Variants in CRYL1 observed in about 807,000 individuals in gnomAD.
CRYL1 encodes the protein lambda-crystallin homolog.
Under a neutral mutation model 36.6 loss-of-function variants are expected in CRYL1, and 29 were observed. The ratio of observed to expected loss-of-function variants is 0.79; its 90% CI spans 0.59 to 1.08. CRYL1 has a LOEUF of 1.08. CRYL1 is among the 50% of genes least tolerant of loss of function. The pLI, the probability that CRYL1 is intolerant of heterozygous loss-of-function variation, is 0.00. For synonymous variants in CRYL1, 152 were observed against 151.5 expected, an observed-to-expected ratio of 1.00 and a Z score of -0.02; for missense variants, 411 against 407.9, an observed-to-expected ratio of 1.01 and a Z score of -0.06.
At chr13:20,471,582 G>A (rs1402128738) in intron 3 of CRYL1, among the ~76,000 whole-genome samples, 10 of 151,922 alleles carry the variant, frequency 6.6e-5, no homozygotes, top group Non-Finnish European at 1.2e-4. Flanking sequence ...TCCAGCCTGG[G>A]CGACAGAGCG....
chr13:20,427,441 AGAGAAT>A (rs1475765771), intron 5 of CRYL1: 2 of 301,264 alleles, frequency 6.6e-6, no homozygotes. Context: ...GGGAACAGAG[AGAGAAT>A]GGGTGATGAC....
At chr13:20,478,945 G>A (rs1487031049) in intron 3 of CRYL1, among the ~76,000 whole-genome samples, 1 of 148,748 alleles carries the variant, frequency 6.7e-6, no homozygotes, top group Non-Finnish European at 1.5e-5. Flanking sequence ...TTGTATTTTA[G>A]TAGAGACGGG....
intron 3 of CRYL1, among the ~76,000 whole-genome samples, chr13:20,473,302 G>A (rs1054385313): frequency 1.3e-5 from 2 of 152,262 alleles, no homozygotes; most frequent in Admixed American, 1.3e-4. Context: ...ACTGTGGCCG[G>A]AGCGTCGGAC....
At chr13:20,478,972 C>G (rs2137457737) in intron 3 of CRYL1, among the ~76,000 whole-genome samples, 1 of 151,680 alleles carries the variant, frequency 6.6e-6, no homozygotes, top group Non-Finnish European at 1.5e-5. Flanking sequence ...CCATGTTGGC[C>G]AGGATGGTCT....
chr13:20,418,474 T>C (rs1241174722), intron 5 of CRYL1: 2 of 152,340 alleles, frequency 1.3e-5, no homozygotes, highest in Middle Eastern at 3.4e-3. Context: ...CGATATTTGA[T>C]GGATAAATCC....
chr13:20,477,156 G>A lies in CRYL1; in HGVS notation c.276+12214C>T, dbSNP rs533659352. Among the ~76,000 whole-genome samples the A allele has an allele frequency of 1.8e-4, 28 of 152,244 alleles. 1 individual carries two copies. The South Asian group carries it at 4.6e-3, about 25-fold the overall frequency. ...AGCCTGGGCGACAGAGCGGGACTCC[G>A]TCTCAAAAACAGCAACAAATAATTA... On this transcript the variant is annotated intron_variant, in intron 3 of 7. Transcript: ENST00000298248.
At chr13:20,444,481 G>A (rs746539372) in intron 3 of CRYL1, among the ~76,000 whole-genome samples, 37 of 152,242 alleles carry the variant, frequency 2.4e-4, no homozygotes, top group Non-Finnish European at 3.8e-4. Flanking sequence ...CCAGGTGACC[G>A]CAGAGAACCC....
At chr13:20,498,226 C>A (rs1163947564) in intron 2 of CRYL1, among the ~76,000 whole-genome samples, 1 of 151,186 alleles carries the variant, frequency 6.6e-6, no homozygotes. Flanking sequence ...ACCCCATATA[C>A]ACACTACATA....
intron 2 of CRYL1, among the ~76,000 whole-genome samples, chr13:20,512,201 C>G (rs530256465): frequency 6.6e-6 from 1 of 152,254 alleles, no homozygotes; most frequent in Admixed American, 6.5e-5. Flanking sequence ...AAGTCACTCA[C>G]GCTTGATGCA....
intron 3 of CRYL1, among the ~76,000 whole-genome samples, chr13:20,485,388 C>T (rs1480615186): frequency 2.0e-5 from 3 of 152,072 alleles, no homozygotes; most frequent in African/African-American, 4.8e-5. Context: ...GTAGGCTGGG[C>T]GCAATGGTTC....
At chr13:20,479,767 T>C (rs958751239) in intron 3 of CRYL1, among the ~76,000 whole-genome samples, 1 of 152,188 alleles carries the variant, frequency 6.6e-6, no homozygotes, top group Admixed American at 6.5e-5. Context: ...TTAATATTTA[T>C]AGATAATATT....
At chr13:20,426,280 T>TAAA (rs1174984441) in intron 5 of CRYL1, among the ~76,000 whole-genome samples, 2 of 63,016 alleles carry the variant, frequency 3.2e-5, no homozygotes, top group Admixed American at 1.7e-4. Flanking sequence ...CTATCTTTAT[T>TAAA]TAAAAAAAAA....
intron 2 of CRYL1, among the ~76,000 whole-genome samples, chr13:20,510,635 C>G (rs1283002702): frequency 7.2e-6 from 1 of 138,774 alleles, no homozygotes; most frequent in South Asian, 2.3e-4. Context: ...TTTTTCAAGA[C>G]AGAGTCTCAC....
At chr13:20,429,730 CT>C (rs1044646980) in intron 5 of CRYL1, among the ~76,000 whole-genome samples, 9 of 152,148 alleles carry the variant, frequency 5.9e-5, no homozygotes, top group African/African-American at 2.2e-4. Flanking sequence ...ATGTCAGCGG[CT>C]ACTTCACGAA....
chr13:20,455,981 CAATGGGG>C (rs1225023419), intron 3 of CRYL1, among the ~76,000 whole-genome samples: 1 of 152,104 alleles, frequency 6.6e-6, no homozygotes, highest in Non-Finnish European at 1.5e-5. Context: ...AAAGATAAGT[CAATGGGG>C]AAAAGATAGG....
intron 3 of CRYL1, among the ~76,000 whole-genome samples, chr13:20,446,578 G>T (rs1293112898): frequency 6.6e-6 from 1 of 152,220 alleles, no homozygotes; most frequent in Non-Finnish European, 1.5e-5. Context: ...GGGAGAACTA[G>T]CCAGACCAGA....
chr13:20,482,739 C>CTGTG lies in CRYL1; in HGVS notation c.276+6627_276+6630dup, dbSNP rs148128861. ...TAGTTGAAGCATTGTGGCAAGCAGT[C>CTGTG]TGTGTGTGTGTGTGTGTGCGCGCGT... is the stretch of plus-strand genomic sequence containing the variant. On this transcript the variant is annotated intron_variant, in intron 3 of 7. Coordinates refer to ENST00000298248, the MANE Select transcript of CRYL1 (RefSeq NM_015974.3). Among the ~76,000 whole-genome samples the CTGTG allele has an allele frequency of 1.0e-3, 154 of 150,858 alleles. 1 individual carries two copies. The highest frequency in any genetic ancestry group is 2.8e-3 in the East Asian group (14 of 5,088).
At chr13:20,462,096 AGAGGATGGGGTGGGAGGATG>A (rs2032838175) in intron 3 of CRYL1, among the ~76,000 whole-genome samples, 8 of 5,910 alleles carry the variant, frequency 1.4e-3, no homozygotes, top group East Asian at 5.4e-3. Context: ...CGGCCTGGTG[AGAGGATGGGGTGGGAGGATG>A]GCCTGGTGGG....
At chr13:20,466,025 C>T (rs1422121351) in intron 3 of CRYL1, among the ~76,000 whole-genome samples, 5 of 151,958 alleles carry the variant, frequency 3.3e-5, no homozygotes, top group Non-Finnish European at 5.9e-5. Flanking sequence ...TTCCCTTCAC[C>T]TTCTGCCATG....
Sources: gnomAD v4.1 joint callset for allele counts (sites outside exome capture counted in the v4.1 genomes callset) on GRCh38, gnomAD v4.1.1 for gene constraint, MANE v1.5 for transcripts, NCBI Gene and HGNC (gene_info 2026-07-23, HGNC 2026-07-21) for gene names.